Variants in APLP2 observed in about 807,000 individuals in gnomAD.
APLP2 encodes amyloid beta precursor like protein 2.
APLP2 carries 53 observed loss-of-function variants against 89.9 expected under a neutral mutation model. The ratio of observed to expected loss-of-function variants is 0.59; its 90% CI spans 0.47 to 0.74. The LOEUF is 0.74. Among genes scored for constraint, APLP2 ranks in the 30% least tolerant of loss-of-function variants. APLP2 has a pLI of 0.00. For missense variants in APLP2, 973 were observed against 975.9 expected, an observed-to-expected ratio of 1.00 and a Z score of 0.04; for synonymous variants, 372 against 348.6, an observed-to-expected ratio of 1.07 and a Z score of -0.75.
Position 130,126,829 on chromosome 11 carries a change from G to A in APLP2, c.1220G>A (p.Arg407Lys), listed in dbSNP as rs1950422849. Residue 407 changes from arginine (R) to lysine (K), a missense_variant and splice_region_variant, in exon 8 of 17, where the codon AGG (arginine) becomes AAG (lysine). Physicochemically the swap from Arg to Lys is conservative, Grantham distance 26. Coordinates refer to ENST00000338167, the MANE Select transcript of APLP2 (RefSeq NM_001142276.2). ...ATTCGGCACCGCAACCGAATGGACA[G>A]GGTAAACCTTGACAATTTCTTCATC... ...LEIRHRNRMD[R>K]VKKEWEEAEL... is the part of the protein sequence containing the mutation. 6.2e-7 allele frequency: 1 copy of A among 1,614,140 alleles called. No homozygotes were observed. Among genetic ancestry groups the A allele is most frequent in the East Asian group, 2.2e-5 (1 of 44,886 alleles).
chr11:130,130,284 G>T (rs138858349), intron 11 of APLP2, 118 bp downstream of exon 11: 2 of 1,381,808 alleles, frequency 1.4e-6, no homozygotes, highest in Non-Finnish European at 2.0e-6. Flanking sequence ...CTTAGAAAAT[G>T]AGTTTTGATT....
chr11:130,115,995 C>A (rs1362687375), intron 3 of APLP2, among the ~76,000 whole-genome samples: 1 of 151,928 alleles, frequency 6.6e-6, no homozygotes, highest in Non-Finnish European at 1.5e-5. Flanking sequence ...ACATTTTTTT[C>A]TTTGGATACA....
At chr11:130,077,829 T>C (rs1420531806) in intron 1 of APLP2, among the ~76,000 whole-genome samples, 1 of 152,242 alleles carries the variant, frequency 6.6e-6, no homozygotes, top group Non-Finnish European at 1.5e-5. Flanking sequence ...AAGGTAAGAA[T>C]GTCAAGCTGT....
At chr11:130,124,489 TC>T (rs1950168244) in intron 7 of APLP2, among the ~76,000 whole-genome samples, 1 of 152,178 alleles carries the variant, frequency 6.6e-6, no homozygotes, top group African/African-American at 2.4e-5. Flanking sequence ...CCAAGAGTTT[TC>T]CCTTTTCTCC....
At chr11:130,081,161 C>T (rs1268832173) in intron 1 of APLP2, among the ~76,000 whole-genome samples, 2 of 151,894 alleles carry the variant, frequency 1.3e-5, no homozygotes, top group Non-Finnish European at 2.9e-5. Flanking sequence ...CCGTTTTTTC[C>T]TTCATTTAAC....
intron 5 of APLP2, 123 bp downstream of exon 5, chr11:130,121,933 G>A: frequency 2.1e-6 from 3 of 1,430,444 alleles, no homozygotes; most frequent in Non-Finnish European, 2.8e-6. Flanking sequence ...TTCTGCTAGA[G>A]TTGATTAAGC....
At chr11:130,075,009 A>C (rs910855408) in intron 1 of APLP2, among the ~76,000 whole-genome samples, 1 of 152,194 alleles carries the variant, frequency 6.6e-6, no homozygotes, top group Non-Finnish European at 1.5e-5. Flanking sequence ...AGTGTATTGT[A>C]CCTTGATTTA....
At chr11:130,129,620 G>A (rs1188193326) in intron 10 of APLP2, among the ~76,000 whole-genome samples, 1 of 152,168 alleles carries the variant, frequency 6.6e-6, no homozygotes, top group Non-Finnish European at 1.5e-5. Context: ...AAATGATTTT[G>A]TCCCTTAACA....
rs116648199 is a variant in APLP2, at chr11:130,124,542, C to T, written c.1090+763C>T. Among the ~76,000 whole-genome samples, 811 of 152,306 alleles carry T rather than the reference C, an allele frequency of 5.3e-3. 12 individuals carry two copies. The highest frequency in any genetic ancestry group is 0.017 in the African/African-American group (720 of 41,562). On this transcript the variant is annotated intron_variant, in intron 7 of 16. Transcript: ENST00000338167. ...CTCGTTAAGACCTTCAGTCTCTCAC[C>T]TTGCAGCACTAACCTACACATTAGG...
At chr11:130,091,047 A>C (rs1237863365) in intron 1 of APLP2, among the ~76,000 whole-genome samples, 1,511 of 48,078 alleles carry the variant, frequency 0.031, no homozygotes, top group African/African-American at 0.1. Context: ...GGGGGCCGAC[A>C]CCCCCACCTC....
intron 13 of APLP2, among the ~76,000 whole-genome samples, chr11:130,138,094 C>T (rs951051936): frequency 4.6e-5 from 7 of 152,182 alleles, no homozygotes; most frequent in African/African-American, 9.7e-5. Context: ...CCTGAGTTGT[C>T]GGTGTCACGG....
At chr11:130,115,457 G>A (rs1413189400) in intron 3 of APLP2, among the ~76,000 whole-genome samples, 2 of 151,638 alleles carry the variant, frequency 1.3e-5, no homozygotes, top group African/African-American at 4.9e-5. Flanking sequence ...TAGCACTGCT[G>A]GAGAGAAGTA....
At chr11:130,109,376 G>T in intron 1 of APLP2, 53 bp from the exon 2 acceptor site, 2 of 1,519,630 alleles carry the variant, frequency 1.3e-6, no homozygotes, top group Non-Finnish European at 1.8e-6. Flanking sequence ...AATGACTGTT[G>T]CCTCTGTGCT....
intron 1 of APLP2, chr11:130,070,848 C>T (rs79537552): frequency 0.071 from 76,573 of 1,079,258 alleles, 4,547 homozygotes; most frequent in African/African-American, 0.29. Flanking sequence ...GTCAGAATTC[C>T]ATCAGTGGTT....
At chr11:130,126,911 T>G in intron 8 of APLP2, 81 bp downstream of exon 8, 2 of 1,579,056 alleles carry the variant, frequency 1.3e-6, no homozygotes, top group South Asian at 2.2e-5. Context: ...AAGTAATAGC[T>G]TCTCCCTAGA....
chr11:130,132,979 C>CTT (rs60338624), intron 11 of APLP2, among the ~76,000 whole-genome samples: 9,030 of 141,170 alleles, frequency 0.064, 381 homozygotes, highest in African/African-American at 0.12. Flanking sequence ...AATTAGAGTT[C>CTT]TTTTTTTTTT....
chr11:130,097,405 AT>A (rs1946353339), intron 1 of APLP2, among the ~76,000 whole-genome samples: 1 of 152,244 alleles, frequency 6.6e-6, no homozygotes, highest in Admixed American at 6.5e-5. Flanking sequence ...AACCTTAGAA[AT>A]TTAAGGACCA....
rs921097281 is a variant in APLP2 at position 130,123,199 on chromosome 11, C to T, written c.923-413C>T. Among the ~76,000 whole-genome samples the T allele has an allele frequency of 3.9e-5, 6 of 152,136 alleles. No homozygotes were observed. Among genetic ancestry groups the T allele is most frequent in the South Asian group, 4.1e-4 (2 of 4,832 alleles). ...AACATAAAAGTGGGAAACAATTGTC[C>T]GTTCTAGGTGCTTGTCTTTACTACG... On this transcript the variant is annotated intron_variant, in intron 6 of 16. Coordinates refer to ENST00000338167, the MANE Select transcript of APLP2 (RefSeq NM_001142276.2). This position sits in a 1 kb window ranked among gnomAD's most constrained non-coding sequence, Gnocchi z 4.0.
intron 1 of APLP2, among the ~76,000 whole-genome samples, chr11:130,077,588 C>T (rs1942350657): frequency 6.7e-6 from 1 of 148,184 alleles, no homozygotes; most frequent in Non-Finnish European, 1.5e-5. Flanking sequence ...TGAATCTTAA[C>T]ATTTCTCATG....
Sources: gnomAD v4.1 joint callset for allele counts (sites outside exome capture counted in the v4.1 genomes callset) on GRCh38, gnomAD v4.1.1 for gene constraint, Gnocchi (gnomAD v3.1) non-coding constraint, MANE v1.5 for transcripts, NCBI Gene and HGNC (gene_info 2026-07-23, HGNC 2026-07-21) for gene names.